The following ZFPM1 variants were observed in gnomAD, a reference collection of about 807,000 sequenced individuals.
The protein encoded by ZFPM1 is zinc finger protein, FOG family member 1.
Under a neutral mutation model 46.3 loss-of-function variants are expected in ZFPM1, and 28 were observed. The observed-to-expected ratio is 0.60, with a 90% CI of 0.45 to 0.83. The LOEUF (loss-of-function observed/expected upper bound fraction) is 0.83. Ranked by LOEUF, ZFPM1 falls within the 40% of genes least tolerant of loss-of-function variation. The pLI, the probability that ZFPM1 is intolerant of heterozygous loss-of-function variation, is 0.00. For synonymous variants in ZFPM1, 957 were observed against 675.9 expected (o/e 1.42, Z -6.45); for missense variants, 1,878 against 1,432.4 (o/e 1.31, Z -5.02).
rs1910018276 is a variant in ZFPM1 at position 88,497,785 on chromosome 16, G to A, written c.268+8632G>A. ...CCCAGGGTCCCGACAGGGCCCGCCCGAGGCTGGGAATCCTCACCCGAGTGT... is the reference window on the plus strand; with the variant it reads ...CCCAGGGTCCCGACAGGGCCCGCCCAAGGCTGGGAATCCTCACCCGAGTGT... On this transcript the variant is annotated intron_variant, in intron 3 of 9. Transcript: ENST00000319555. This position sits in a 1 kb window ranked among gnomAD's most constrained non-coding sequence, Gnocchi z 5.4. Among the ~76,000 whole-genome samples, 2 of 152,180 alleles carry A rather than the reference G, an allele frequency of 1.3e-5. No homozygotes were observed. Among genetic ancestry groups the A allele is most frequent in the South Asian group, 4.1e-4 (2 of 4,834 alleles).
intron 9 of ZFPM1, 97 bp from the exon 10 acceptor site, chr16:88,533,051 T>TTCCCCCC: frequency 4.2e-5 from 57 of 1,351,434 alleles, no homozygotes; most frequent in Non-Finnish European, 5.4e-5. Context: ...TCTAAACCAC[T>TTCCCCCC]CCCGCCCACC....
chr16:88,485,279 C>G (rs1042101109), intron 1 of ZFPM1, among the ~76,000 whole-genome samples: 1 of 152,040 alleles, frequency 6.6e-6, no homozygotes, highest in Non-Finnish European at 1.5e-5. Flanking sequence ...CTGGGGGGAG[C>G]AGGTGGGAAA....
intron 3 of ZFPM1, among the ~76,000 whole-genome samples, chr16:88,490,616 C>T (rs1000029778): frequency 5.3e-5 from 8 of 152,206 alleles, no homozygotes; most frequent in Non-Finnish European, 7.3e-5. Flanking sequence ...ATGTGCCCGC[C>T]GGTGCAAGTA....
chr16:88,532,251 G>T lies in ZFPM1; in HGVS notation c.946+16G>T. ...AGCCACAGCGGTGAGCCCCCACCCC[G>T]GACGCGGGTCCTCAGGATGCCGGCT... is the stretch of plus-strand genomic sequence containing the variant. On this transcript the variant is annotated intron_variant, in intron 7 of 9. Transcript: ENST00000319555. The T allele has an allele frequency of 6.3e-7, 1 of 1,574,956 alleles. No homozygotes were observed. Among genetic ancestry groups the T allele is most frequent in the Non-Finnish European group, 8.6e-7 (1 of 1,157,336 alleles).
chr16:88,492,076 G>A (rs998027461), intron 3 of ZFPM1, among the ~76,000 whole-genome samples: 8 of 151,982 alleles, frequency 5.3e-5, no homozygotes, highest in Non-Finnish European at 8.8e-5. Flanking sequence ...TCCATCTTGT[G>A]TGAGCCCCTC....
At chr16:88,479,166 T>C (rs1029437658) in intron 1 of ZFPM1, among the ~76,000 whole-genome samples, 3 of 152,108 alleles carry the variant, frequency 2.0e-5, no homozygotes, top group African/African-American at 4.8e-5. Context: ...GTGTGGGCGG[T>C]GAGTCCCGAG....
At chr16:88,473,493 G>C (rs1462603089) in intron 1 of ZFPM1, among the ~76,000 whole-genome samples, 1 of 152,188 alleles carries the variant, frequency 6.6e-6, no homozygotes, top group Middle Eastern at 3.2e-3. Flanking sequence ...TGCTAGGGAG[G>C]GCCATGACGG....
intron 1 of ZFPM1, among the ~76,000 whole-genome samples, chr16:88,454,306 C>G (rs1311237907): frequency 3.3e-5 from 5 of 152,282 alleles, no homozygotes; most frequent in Non-Finnish European, 5.9e-5. Context: ...GCACTTGGCT[C>G]CAGCCCCCCA....
intron 1 of ZFPM1, among the ~76,000 whole-genome samples, chr16:88,454,219 C>T (rs1024383097): frequency 2.0e-5 from 3 of 152,132 alleles, no homozygotes; most frequent in African/African-American, 7.2e-5. Flanking sequence ...CAGGCACCGG[C>T]CCGCGCCCAC....
intron 1 of ZFPM1, among the ~76,000 whole-genome samples, chr16:88,464,366 G>A (rs1482920012): frequency 6.6e-6 from 1 of 152,212 alleles, no homozygotes; most frequent in African/African-American, 2.4e-5. Flanking sequence ...AGAGGGGACG[G>A]GACACCCTGC....
chr16:88,464,696 C>A (rs1273674657), intron 1 of ZFPM1, among the ~76,000 whole-genome samples: 1 of 152,290 alleles, frequency 6.6e-6, no homozygotes, highest in Non-Finnish European at 1.5e-5. Context: ...GCTCTACAGG[C>A]TGCGGCCTGG....
At chr16:88,488,299 G>T (rs1405378765) in intron 2 of ZFPM1, among the ~76,000 whole-genome samples, 2 of 152,146 alleles carry the variant, frequency 1.3e-5, no homozygotes, top group East Asian at 3.9e-4. Context: ...TGGGGGCGGG[G>T]GTGGGGCCCG....
chr16:88,479,287 C>T (rs375546990), intron 1 of ZFPM1, among the ~76,000 whole-genome samples: 3 of 152,230 alleles, frequency 2.0e-5, no homozygotes, highest in South Asian at 4.2e-4. Context: ...CTCTGTGCTT[C>T]GGTTTCCCTG....
At chr16:88,488,523 G>A (rs932344103) in intron 2 of ZFPM1, among the ~76,000 whole-genome samples, 3 of 152,092 alleles carry the variant, frequency 2.0e-5, no homozygotes, top group Non-Finnish European at 4.4e-5. Flanking sequence ...CTTATTTGAT[G>A]TTAATCGCAG....
chr16:88,532,039 C>T lies in ZFPM1; in HGVS notation c.750C>T (p.Tyr250=). 2 of 1,611,692 alleles carry T rather than the reference C, an allele frequency of 1.2e-6. No individual in the cohort carries two copies. Among genetic ancestry groups the T allele is most frequent in the Non-Finnish European group, 1.7e-6 (2 of 1,179,180 alleles). The change falls in exon 7 of 10, where the codon TAC becomes TAT. Residue 250 remains tyrosine, a synonymous_variant. Transcript: ENST00000319555. ...VFPCKDCGIW[Y]RSERNLQAHL... ...CCTGCAAGGACTGTGGCATCTGGTA[C>T]CGCAGCGAGCGCAACCTGCAGGCGC... is the stretch of plus-strand genomic sequence containing the variant.
chr16:88,525,323 G>A (rs1278601997), intron 4 of ZFPM1, among the ~76,000 whole-genome samples: 2 of 152,222 alleles, frequency 1.3e-5, no homozygotes, highest in Non-Finnish European at 2.9e-5. Flanking sequence ...AGACCCACAG[G>A]GGACATCCCT....
At chr16:88,493,619 A>G (rs1161992153) in intron 3 of ZFPM1, among the ~76,000 whole-genome samples, 25 of 61,208 alleles carry the variant, frequency 4.1e-4, no homozygotes, top group South Asian at 5.9e-4. Flanking sequence ...GTCCCGGGGT[A>G]CAGAGAGCTG....
chr16:88,516,421 G>T (rs946723581), intron 4 of ZFPM1: 2 of 397,762 alleles, frequency 5.0e-6, no homozygotes, highest in African/African-American at 4.1e-5. Flanking sequence ...ACGTCTGGGG[G>T]CACAAGGGGA....
chr16:88,462,867 C>T (rs964380084), intron 1 of ZFPM1, among the ~76,000 whole-genome samples: 4 of 152,010 alleles, frequency 2.6e-5, no homozygotes, highest in Admixed American at 6.5e-5. Flanking sequence ...ATGCTCACCT[C>T]ACGGGGCTGT....
Sources: allele counts gnomAD v4.1 joint callset (sites outside exome capture counted in the v4.1 genomes callset), GRCh38; gene constraint gnomAD v4.1.1; non-coding constraint Gnocchi (gnomAD v3.1); transcripts MANE v1.5; gene names NCBI Gene and HGNC (gene_info 2026-07-23, HGNC 2026-07-21).